ACSS2: variants seen among roughly 807,000 people sequenced by gnomAD.
ACSS2 encodes acetyl-coenzyme A synthetase, cytoplasmic.
ACSS2 carries 58 observed loss-of-function variants against 90.6 expected under a neutral mutation model. The observed-to-expected ratio is 0.64, with a 90% CI of 0.52 to 0.80. The LOEUF (loss-of-function observed/expected upper bound fraction) is 0.80. ACSS2 is among the 30% of genes least tolerant of loss of function. The pLI is 0.00. For missense variants in ACSS2, 759 were observed against 912.0 expected (o/e 0.83, Z 2.16); for synonymous variants, 300 against 330.9 (o/e 0.91, Z 1.01).
chr20:34,880,745 C>G (rs1170238730), intron 1 of ACSS2, among the ~76,000 whole-genome samples: 2 of 151,612 alleles, frequency 1.3e-5, no homozygotes, highest in African/African-American at 4.9e-5. Flanking sequence ...ATAATGGCAC[C>G]TTGGGGTTGA....
rs372469700 is a variant in ACSS2 at position 34,882,987 on chromosome 20, C to T, written c.372C>T (p.Tyr124=). 6.2e-6 allele frequency: 10 copies of T among 1,603,100 alleles called. No homozygotes were observed. The African/African-American group carries it at 1.2e-4, about 19-fold the overall frequency. ...EKKLGDKVAF[Y]WEGNEPGETT... ...AGCTTGGAGATAAAGTTGCTTTTTA[C>T]TGGTAAAAATATCTATCTTATACTT... The change falls in exon 2 of 18, where the codon TAC becomes TAT. Residue 124 remains tyrosine, a splice_region_variant and synonymous_variant. Transcript: ENST00000360596.
intron 13 of ACSS2, 192 bp from the exon 14 acceptor site, chr20:34,923,131 C>T (rs2081238201): frequency 1.9e-6 from 1 of 539,466 alleles, no homozygotes; most frequent in African/African-American, 1.9e-5. Context: ...TCCTGAAGCT[C>T]AGAGGGGTAA....
chr20:34,904,937 G>T (rs1271763808), intron 2 of ACSS2, among the ~76,000 whole-genome samples: 1 of 148,916 alleles, frequency 6.7e-6, no homozygotes, highest in African/African-American at 2.5e-5. Context: ...TGGTAGGCAG[G>T]GGCGAGACAG....
At chr20:34,912,636 G>A (rs1350581598) in intron 2 of ACSS2, 1 of 171,714 alleles carries the variant, frequency 5.8e-6, no homozygotes, top group African/African-American at 2.4e-5. Flanking sequence ...TAAAGAAGCA[G>A]ATCCTTGGAC....
chr20:34,899,535 G>A (rs1337778754), intron 2 of ACSS2, among the ~76,000 whole-genome samples: 2 of 149,702 alleles, frequency 1.3e-5, no homozygotes, highest in Admixed American at 1.3e-4. Context: ...TGTCGCCCAG[G>A]CTGGAGTGCA....
At position 34,926,197 on chromosome 20, in the gene ACSS2, A is replaced by G; in HGVS notation, c.1819A>G (p.Lys607Glu). ...TGTGGTGGGCCACCCTCATCCTGTG[A>G]AGGGTGAATGCCTCTACTGCTTTGT... ...AAVVGHPHPV[K>E]GECLYCFVTL... The change falls in exon 16 of 18, where the codon AAG becomes GAG. Residue 607 changes from lysine (K) to glutamate (E), a missense_variant. Physicochemically the swap from Lys to Glu is moderately conservative, Grantham distance 56 (BLOSUM62 1). Coordinates refer to ENST00000360596, the MANE Select transcript of ACSS2 (RefSeq NM_018677.4). 1 of 1,614,142 alleles carries G rather than the reference A, an allele frequency of 6.2e-7. No homozygotes were observed. The highest frequency in any genetic ancestry group is 8.5e-7 in the Non-Finnish European group (1 of 1,179,974).
Position 34,919,501 on chromosome 20 carries a change from G to A in ACSS2, c.901G>A (p.Glu301Lys), listed in dbSNP as rs111590432. The A allele has an allele frequency of 7.6e-5, 123 of 1,612,768 alleles. 2 individuals are homozygous for A. The highest frequency in any genetic ancestry group is 7.1e-4 in the African/African-American group (53 of 74,926). Residue 301 changes from glutamate (E) to lysine (K), a missense_variant, in exon 8 of 18, where the codon GAG becomes AAG. By Grantham distance (56) the Glu-to-Lys change is moderately conservative (BLOSUM62 1). Coordinates refer to ENST00000360596, the MANE Select transcript of ACSS2 (RefSeq NM_018677.4). The stretch of plus-strand genomic sequence containing the variant: ...CATGCAAGAGGCAGGGGATGAGTGT[G>A]AGCCCGAGTGGTGTGATGCCGAGGA... ...ELMQEAGDEC[E>K]PEWCDAEDPL...
chr20:34,896,122 T>C (rs1794059826), intron 2 of ACSS2, among the ~76,000 whole-genome samples: 1 of 152,204 alleles, frequency 6.6e-6, no homozygotes, highest in Non-Finnish European at 1.5e-5. Context: ...TCCCCTCCTG[T>C]AAGTAGGCAT....
At chr20:34,882,546 G>A (rs936497381) in intron 1 of ACSS2, among the ~76,000 whole-genome samples, 193 of 152,078 alleles carry the variant, frequency 1.3e-3, no homozygotes, top group African/African-American at 4.6e-3. Context: ...TGCTTCAACC[G>A]GGGAGGCAGA....
intron 2 of ACSS2, among the ~76,000 whole-genome samples, chr20:34,886,204 CTCT>C (rs2080188315): frequency 6.6e-6 from 1 of 152,062 alleles, no homozygotes; most frequent in Non-Finnish European, 1.5e-5. Flanking sequence ...ACTTCCTTCT[CTCT>C]TCTTCTCAAT....
Position 34,927,008 on chromosome 20 carries a change from G to C in ACSS2, c.1978+57G>C. On this transcript the variant is annotated intron_variant, in intron 17 of 17. Transcript: ENST00000360596. This position sits in a 1 kb window ranked among gnomAD's most constrained non-coding sequence, Gnocchi z 4.2. The stretch of plus-strand genomic sequence containing the variant: ...GGCTGAGGCCTGGTGGTGGTGGGGT[G>C]TGCGTGGATGAAAGCCTTTGGCAGG... 2 of 1,614,036 alleles carry C rather than the reference G, an allele frequency of 1.2e-6. No homozygotes were observed. The highest frequency in any genetic ancestry group is 2.7e-5 in the African/African-American group (2 of 75,036).
intron 2 of ACSS2, among the ~76,000 whole-genome samples, chr20:34,905,312 GT>G (rs1227266759): frequency 2.6e-5 from 4 of 151,030 alleles, no homozygotes; most frequent in African/African-American, 4.9e-5. Flanking sequence ...CCAGGCTGGA[GT>G]GCAGAGTGCA....
At chr20:34,913,605 AGGTTT>A in intron 4 of ACSS2, 109 bp downstream of exon 4, 1 of 1,286,842 alleles carries the variant, frequency 7.8e-7, no homozygotes, top group Non-Finnish European at 1.1e-6. Flanking sequence ...GGAGCTTAGA[AGGTTT>A]GTGTCATAGG....
intron 2 of ACSS2, among the ~76,000 whole-genome samples, chr20:34,898,244 G>C (rs8123210): frequency 0.66 from 100,429 of 151,364 alleles, 34,808 homozygotes; most frequent in African/African-American, 0.87. Context: ...ACTGCTGGCT[G>C]GGGCAGCCTG....
rs143158595 is a variant in ACSS2, at chr20:34,882,912, A to G, written c.297A>G (p.Ala99=). The change falls in exon 2 of 18, where the codon GCA becomes GCG. Residue 99 remains alanine, a synonymous_variant. Transcript: ENST00000360596. ...GKIFIEWMKG[A]TTNICYNVLD... ...TCTTCATTGAGTGGATGAAAGGAGCAACTACCAACATCTGCTACAATGTAC... is the reference window on the plus strand; with the variant it reads ...TCTTCATTGAGTGGATGAAAGGAGCGACTACCAACATCTGCTACAATGTAC... The G allele has an allele frequency of 1.2e-6, 2 of 1,614,074 alleles. No individual in the cohort carries two copies. Among genetic ancestry groups the G allele is most frequent in the Non-Finnish European group, 8.5e-7 (1 of 1,179,990 alleles).
chr20:34,880,556 T>C (rs1295454162), intron 1 of ACSS2, among the ~76,000 whole-genome samples: 2 of 151,432 alleles, frequency 1.3e-5, no homozygotes, highest in Non-Finnish European at 1.5e-5. Context: ...AAAAAAATAA[T>C]AATAATAGAA....
At chr20:34,887,571 C>T (rs1459441642) in intron 2 of ACSS2, among the ~76,000 whole-genome samples, 2 of 151,920 alleles carry the variant, frequency 1.3e-5, no homozygotes. Context: ...GAAACCCTGT[C>T]TCTACTAAAA....
At chr20:34,910,061 G>A (rs574374014) in intron 2 of ACSS2, among the ~76,000 whole-genome samples, 49 of 143,068 alleles carry the variant, frequency 3.4e-4, no homozygotes, top group South Asian at 2.2e-3. Flanking sequence ...CACTCTTGTC[G>A]CCTAGGCTGG....
chr20:34,879,435 C>T (rs2080014781), intron 1 of ACSS2, among the ~76,000 whole-genome samples: 2 of 151,530 alleles, frequency 1.3e-5, no homozygotes, highest in South Asian at 4.1e-4. Flanking sequence ...AATTTATGCT[C>T]ACCTTTTTCC....
Sources: allele counts gnomAD v4.1 joint callset (sites outside exome capture counted in the v4.1 genomes callset), GRCh38; gene constraint gnomAD v4.1.1; non-coding constraint Gnocchi (gnomAD v3.1); transcripts MANE v1.5; gene names NCBI Gene and HGNC (gene_info 2026-07-23, HGNC 2026-07-21).